Variants in MAML3 observed in about 807,000 individuals in gnomAD.
The protein encoded by MAML3 is mastermind like transcriptional coactivator 3, also known as mastermind-like protein 3.
Under a neutral mutation model 101.9 loss-of-function variants are expected in MAML3, and 27 were observed. The ratio of observed to expected loss-of-function variants is 0.27; its 90% CI spans 0.20 to 0.37. The LOEUF is 0.37. MAML3 is among the 10% of genes least tolerant of loss of function. MAML3 has a pLI of 1.00. For synonymous variants in MAML3, 501 were observed against 555.9 expected, an observed-to-expected ratio of 0.90 and a Z score of 1.39; for missense variants, 1,316 against 1,444.9, an observed-to-expected ratio of 0.91 and a Z score of 1.45.
At chr4:139,778,891 G>C (rs936813432) in intron 2 of MAML3, among the ~76,000 whole-genome samples, 4 of 151,286 alleles carry the variant, frequency 2.6e-5, no homozygotes, top group Non-Finnish European at 5.9e-5. Context: ...GCTGAGGCAG[G>C]AGAATCGCTT....
chr4:140,093,351 G>A (rs1728093937), intron 1 of MAML3, among the ~76,000 whole-genome samples: 1 of 151,534 alleles, frequency 6.6e-6, no homozygotes. Flanking sequence ...TTTCAGTTCT[G>A]CAAAGATATC....
intron 1 of MAML3, among the ~76,000 whole-genome samples, chr4:140,124,873 T>C (rs901435299): frequency 1.3e-5 from 2 of 152,168 alleles, no homozygotes; most frequent in East Asian, 3.8e-4. Flanking sequence ...AATTCCAGTA[T>C]CTGAAACTCA....
intron 1 of MAML3, among the ~76,000 whole-genome samples, chr4:140,134,739 T>C (rs912311689): frequency 6.6e-6 from 1 of 152,164 alleles, no homozygotes; most frequent in Admixed American, 6.5e-5. Context: ...TCATGGGTGT[T>C]CTGCAAAAAA....
At chr4:139,859,749 AGG>A (rs1249988351) in intron 2 of MAML3, among the ~76,000 whole-genome samples, 1 of 152,358 alleles carries the variant, frequency 6.6e-6, no homozygotes, top group Admixed American at 6.5e-5. Flanking sequence ...AGACGTAAGG[AGG>A]TTAATTACCT....
chr4:139,985,963 A>G (rs1375983863), intron 1 of MAML3, among the ~76,000 whole-genome samples: 2 of 152,362 alleles, frequency 1.3e-5, no homozygotes, highest in Non-Finnish European at 2.9e-5. Flanking sequence ...ATGCCTCGTC[A>G]TTCTCTTCTC....
At chr4:139,956,518 A>C (rs1240545669) in intron 1 of MAML3, among the ~76,000 whole-genome samples, 6 of 152,210 alleles carry the variant, frequency 3.9e-5, no homozygotes, top group Admixed American at 3.9e-4. Context: ...AAACTCAACT[A>C]TTTGCCTTTG....
intron 2 of MAML3, among the ~76,000 whole-genome samples, chr4:139,886,608 C>T (rs964167805): frequency 3.3e-5 from 5 of 152,008 alleles, no homozygotes; most frequent in African/African-American, 4.8e-5. Flanking sequence ...ATGAGCATTT[C>T]CATATGATTA....
chr4:139,985,907 G>A (rs1332157990), intron 1 of MAML3, among the ~76,000 whole-genome samples: 3 of 152,270 alleles, frequency 2.0e-5, no homozygotes, highest in African/African-American at 7.2e-5. Flanking sequence ...ATCTCTTCAA[G>A]AGTGGCTATG....
At chr4:140,073,739 G>T (rs184006868) in intron 1 of MAML3, among the ~76,000 whole-genome samples, 84 of 152,264 alleles carry the variant, frequency 5.5e-4, no homozygotes, top group African/African-American at 1.9e-3. Flanking sequence ...ACTCATTTTA[G>T]TGCCTTGATT....
chr4:139,852,970 G>C (rs895635356), intron 2 of MAML3, among the ~76,000 whole-genome samples: 3 of 152,130 alleles, frequency 2.0e-5, no homozygotes, highest in Admixed American at 6.5e-5. Context: ...TTTTCTAATT[G>C]AAAAGAAGTA....
intron 2 of MAML3, among the ~76,000 whole-genome samples, chr4:139,821,693 G>T (rs1281343540): frequency 6.6e-6 from 1 of 152,160 alleles, no homozygotes; most frequent in Non-Finnish European, 1.5e-5. Context: ...CCTGGCCACT[G>T]GCCACTTCCA....
At chr4:140,123,491 T>G (rs1316287879) in intron 1 of MAML3, among the ~76,000 whole-genome samples, 1 of 152,160 alleles carries the variant, frequency 6.6e-6, no homozygotes. Context: ...GTGAACTTCT[T>G]GAATATATTT....
chr4:140,091,538 A>AAAAC (rs1728049706), intron 1 of MAML3, among the ~76,000 whole-genome samples: 1 of 22,204 alleles, frequency 4.5e-5, no homozygotes, highest in Admixed American at 6.6e-4. Context: ...ACAACAAAAC[A>AAAAC]AAAACAAAAC....
intron 1 of MAML3, among the ~76,000 whole-genome samples, chr4:140,122,478 T>C (rs1017591524): frequency 2.5e-4 from 38 of 152,136 alleles, no homozygotes; most frequent in African/African-American, 9.2e-4. Context: ...TGCCTTAGCC[T>C]ACCAAACAAG....
At chr4:139,913,081 C>T (rs913211234) in intron 1 of MAML3, among the ~76,000 whole-genome samples, 2 of 152,168 alleles carry the variant, frequency 1.3e-5, no homozygotes, top group African/African-American at 4.8e-5. Flanking sequence ...GGTAATAAGT[C>T]AATGTAATAC....
intron 2 of MAML3, among the ~76,000 whole-genome samples, chr4:139,754,265 T>C (rs539737302): frequency 6.6e-6 from 1 of 152,246 alleles, no homozygotes; most frequent in Non-Finnish European, 1.5e-5. Flanking sequence ...GTTTATGTTC[T>C]TATAGTTCTT....
chr4:139,958,065 C>G (rs1733944219), intron 1 of MAML3, among the ~76,000 whole-genome samples: 1 of 152,164 alleles, frequency 6.6e-6, no homozygotes, highest in African/African-American at 2.4e-5. Context: ...ATTCCACAAA[C>G]AATACCCATC....
chr4:139,924,886 G>A (rs981402732), intron 1 of MAML3, among the ~76,000 whole-genome samples: 1 of 152,144 alleles, frequency 6.6e-6, no homozygotes, highest in Non-Finnish European at 1.5e-5. Context: ...TTACTAGAAT[G>A]CTTCATGAGA....
At chr4:140,048,318 G>T (rs1264076306) in intron 1 of MAML3, among the ~76,000 whole-genome samples, 2 of 152,186 alleles carry the variant, frequency 1.3e-5, no homozygotes, top group Non-Finnish European at 2.9e-5. Flanking sequence ...CCTTGATTCA[G>T]AAATAAACAC....
Sources: allele counts gnomAD v4.1 joint callset (sites outside exome capture counted in the v4.1 genomes callset), GRCh38; gene constraint gnomAD v4.1.1; transcripts MANE v1.5; gene names NCBI Gene and HGNC (gene_info 2026-07-23, HGNC 2026-07-21).